Variants in ESPNL observed in about 807,000 individuals in gnomAD.
ESPNL encodes espin-like protein.
Under a neutral mutation model 46.8 loss-of-function variants are expected in ESPNL, and 49 were observed. The ratio of observed to expected loss-of-function variants is 1.05; its 90% CI spans 0.83 to 1.33. The LOEUF (loss-of-function observed/expected upper bound fraction) is 1.33, where lower values mean the gene tolerates loss of function less well. Among genes scored for constraint, ESPNL ranks in the 40% most tolerant of loss-of-function variants. ESPNL has a pLI of 0.00. For synonymous variants in ESPNL, 664 were observed against 662.1 expected (o/e 1.00, Z -0.04); for missense variants, 1,540 against 1,436.6 (o/e 1.07, Z -1.16).
intron 8 of ESPNL, chr2:238,129,367 G>A (rs935551456): frequency 8.8e-6 from 5 of 569,732 alleles, no homozygotes; most frequent in Non-Finnish European, 1.1e-5. Context: ...GAAGAGAGGG[G>A]GAGCCCTGTG....
chr2:238,125,428 G>C, intron 6 of ESPNL, 44 bp downstream of exon 6: 1 of 1,234,230 alleles, frequency 8.1e-7, no homozygotes, highest in Non-Finnish European at 1.1e-6. Context: ...CATGGGCCTG[G>C]GAGAGGGTGC....
At chr2:238,118,978 TTAATGGAGGAGGAGTGGATG>T (rs1691904492) in intron 5 of ESPNL, among the ~76,000 whole-genome samples, 1 of 105,912 alleles carries the variant, frequency 9.4e-6, no homozygotes, top group Non-Finnish European at 1.9e-5. Flanking sequence ...TGGAGGAGGG[TTAATGGAGGAGGAGTGGATG>T]GAAGAGGATT....
rs780397786 is a variant in ESPNL, at chr2:238,130,771, G to A, written c.2057G>A (p.Gly686Asp). The A allele has an allele frequency of 3.2e-6, 5 of 1,551,116 alleles. No individual in the cohort carries two copies. Among genetic ancestry groups the A allele is most frequent in the Non-Finnish European group, 3.5e-6 (4 of 1,152,928 alleles). The change falls in exon 9 of 9, where the codon GGC (glycine) becomes GAC (aspartate). Residue 686 changes from glycine (G) to aspartate (D), a missense_variant. Transcript: ENST00000343063. ...PGAQHRQCLS[G>D]CWPALPKPRS... ...GCCCAGCACAGGCAGTGCCTGAGTG[G>A]CTGCTGGCCAGCCCTGCCTAAGCCC...
In ESPNL at chr2:238,132,122, T is replaced by A. The variant is rs1692356823; in HGVS notation, c.*390T>A. 1 of 183,932 alleles carries A rather than the reference T, an allele frequency of 5.4e-6. No homozygotes were observed. Among genetic ancestry groups the A allele is most frequent in the Non-Finnish European group, 1.1e-5 (1 of 88,702 alleles). The allele number at this position is 183,932 out of a possible 1,614,324, so 11.4% of individuals were successfully genotyped here. ...GTGCTGGTGGCCTCGGCCACATCCA[T>A]CTTTCATGTGAGTCTGAGGTGGCCC... On this transcript the variant is annotated 3_prime_UTR_variant, in exon 9 of 9. Transcript: ENST00000343063.
At chr2:238,127,945 A>C (rs1226212300) in intron 7 of ESPNL, among the ~76,000 whole-genome samples, 1 of 152,054 alleles carries the variant, frequency 6.6e-6, no homozygotes, top group Non-Finnish European at 1.5e-5. Context: ...CCCCCCCACC[A>C]CAGAAACACG....
chr2:238,129,009 C>T (rs1031400743), intron 8 of ESPNL, 105 bp downstream of exon 8: 9 of 1,451,188 alleles, frequency 6.2e-6, no homozygotes, highest in Admixed American at 2.5e-5. Flanking sequence ...ATCCAAGACC[C>T]AGGGGCCCCT....
intron 8 of ESPNL, 144 bp downstream of exon 8, chr2:238,129,048 G>A (rs766044138): frequency 1.0e-5 from 15 of 1,431,762 alleles, no homozygotes; most frequent in Non-Finnish European, 1.4e-5. Context: ...TGCTGCTTCC[G>A]CCGGAGGATG....
In ESPNL at chr2:238,130,466, C is replaced by T. The variant is rs535333149; in HGVS notation, c.1752C>T (p.Pro584=). 31 of 1,600,244 alleles carry T rather than the reference C, an allele frequency of 1.9e-5. No homozygotes were observed. The East Asian group carries it at 2.3e-4, about 12-fold the overall frequency. ...CTGCGGAGGCCTCAGAGGTGGCCCC[C>T]GGGGTGCAGCCCCTGCCCTTCTGGT... ...AGSAEASEVA[P]GVQPLPFWCS... The change falls in exon 9 of 9, where the codon CCC becomes CCT. Residue 584 remains proline (P), a synonymous_variant. Transcript: ENST00000343063.
intron 1 of ESPNL, 96 bp from the exon 2 acceptor site, chr2:238,101,845 C>T: frequency 3.5e-6 from 3 of 855,988 alleles, no homozygotes; most frequent in Admixed American, 4.6e-5. Flanking sequence ...CACTGGGTTG[C>T]AGGCAGTGTG....
At chr2:238,129,242 G>C in intron 8 of ESPNL, 2 of 1,227,280 alleles carry the variant, frequency 1.6e-6, no homozygotes. Flanking sequence ...GTGCCGGCAG[G>C]TGTGTGGGGT....
intron 4 of ESPNL, among the ~76,000 whole-genome samples, chr2:238,108,431 TCAA>T (rs1206615390): frequency 6.6e-6 from 1 of 152,118 alleles, no homozygotes; most frequent in Non-Finnish European, 1.5e-5. Context: ...ATTCAAATGT[TCAA>T]CAACATCAGA....
chr2:238,102,000 G>A lies in ESPNL; in HGVS notation c.354G>A (p.Val118=), dbSNP rs773470059. The part of the protein sequence containing the change: ...LHLAARFGHP[V]LVEWLLHEGH... ...TGGCCGCCCGTTTTGGACACCCAGT[G>A]CTGGTGGAGTGGCTGCTCCACGAGG... is the stretch of plus-strand genomic sequence containing the variant. The change falls in exon 2 of 9, where the codon GTG becomes GTA. Residue 118 remains valine, a synonymous_variant. Coordinates refer to ENST00000343063, the MANE Select transcript of ESPNL (RefSeq NM_194312.4). The A allele has an allele frequency of 3.1e-6, 5 of 1,610,384 alleles. No homozygotes were observed.
chr2:238,130,745 G>C lies in ESPNL; in HGVS notation c.2031G>C (p.Gly677=), dbSNP rs750522133. 6.4e-7 allele frequency: 1 copy of C among 1,564,248 alleles called. No individual in the cohort carries two copies. Among genetic ancestry groups the C allele is most frequent in the East Asian group, 2.3e-5 (1 of 42,786 alleles). ...TCAACCCTGGCCCCTGCGAGCCGGG[G>C]GCCCAGCACAGGCAGTGCCTGAGTG... ...CGFNPGPCEP[G]AQHRQCLSGC... is the part of the protein sequence containing the mutation. Residue 677 remains glycine (G), a synonymous_variant, in exon 9 of 9, where the codon GGG becomes GGC. Transcript: ENST00000343063.
chr2:238,130,570 A>G lies in ESPNL; in HGVS notation c.1856A>G (p.Lys619Arg). 1 of 1,582,096 alleles carries G rather than the reference A, an allele frequency of 6.3e-7. No homozygotes were observed. Among genetic ancestry groups the G allele is most frequent in the Non-Finnish European group, 8.6e-7 (1 of 1,164,492 alleles). The change falls in exon 9 of 9, where the codon AAG (lysine) becomes AGG (arginine). Residue 619 changes from lysine (K) to arginine (R), a missense_variant. Physicochemically the swap from Lys to Arg is conservative, Grantham distance 26. Coordinates refer to ENST00000343063, the MANE Select transcript of ESPNL (RefSeq NM_194312.4). The part of the protein sequence containing the change: ...GVHGLVQGDE[K>R]PSTRPLQDTC... ...CATGGGCTAGTACAGGGGGATGAGA[A>G]GCCATCCACCCGGCCCCTGCAGGAC...
At chr2:238,126,493 CTG>C (rs1320407950) in intron 6 of ESPNL, among the ~76,000 whole-genome samples, 1 of 145,922 alleles carries the variant, frequency 6.9e-6, no homozygotes, top group Non-Finnish European at 1.5e-5. Flanking sequence ...TGTGTCTGTT[CTG>C]TCTGTTTCTG....
intron 3 of ESPNL, among the ~76,000 whole-genome samples, chr2:238,106,104 C>T (rs1691592936): frequency 6.6e-6 from 1 of 152,246 alleles, no homozygotes; most frequent in African/African-American, 2.4e-5. Flanking sequence ...GCGTGTCTGA[C>T]TCCTGGCCTT....
At chr2:238,111,422 C>T (rs573302267) in intron 4 of ESPNL, among the ~76,000 whole-genome samples, 1 of 152,270 alleles carries the variant, frequency 6.6e-6, no homozygotes, top group South Asian at 2.1e-4. Context: ...ACGCTATGGC[C>T]ATCAGACAGC....
At chr2:238,102,272 G>A in intron 2 of ESPNL, 141 bp downstream of exon 2, 1 of 731,920 alleles carries the variant, frequency 1.4e-6, no homozygotes, top group Non-Finnish European at 2.2e-6. Context: ...CTGTGGGGGT[G>A]AGCTGGCAGG....
intron 6 of ESPNL, 73 bp downstream of exon 6, chr2:238,125,457 G>C: frequency 1.1e-6 from 1 of 881,048 alleles, no homozygotes; most frequent in East Asian, 3.2e-5. Context: ...TCCCCTCCGA[G>C]GTCCTGGACC....
Sources: allele counts gnomAD v4.1 joint callset (sites outside exome capture counted in the v4.1 genomes callset), GRCh38; gene constraint gnomAD v4.1.1; transcripts MANE v1.5; gene names NCBI Gene and HGNC (gene_info 2026-07-23, HGNC 2026-07-21).